INPP4B: variants seen among roughly 807,000 people sequenced by gnomAD.
INPP4B encodes inositol polyphosphate-4-phosphatase type II B.
INPP4B carries 55 observed loss-of-function variants against 122.5 expected under a neutral mutation model. The observed-to-expected ratio is 0.45, with a 90% CI of 0.36 to 0.56. The LOEUF (loss-of-function observed/expected upper bound fraction) is 0.56. INPP4B is among the 20% of genes least tolerant of loss of function. INPP4B has a pLI of 0.00. For synonymous variants in INPP4B, 403 were observed against 388.7 expected (o/e 1.04, Z -0.43); for missense variants, 1,000 against 1,097.7 (o/e 0.91, Z 1.26).
intron 2 of INPP4B, among the ~76,000 whole-genome samples, chr4:142,575,458 C>T (rs1180616333): frequency 1.3e-5 from 2 of 152,008 alleles, no homozygotes; most frequent in Non-Finnish European, 2.9e-5. Context: ...ACTTTCTCCA[C>T]CATACCTTAC....
At chr4:142,306,236 T>G (rs974277097) in intron 8 of INPP4B, among the ~76,000 whole-genome samples, 227 of 151,920 alleles carry the variant, frequency 1.5e-3, no homozygotes, top group Non-Finnish European at 3.0e-3. Context: ...ATTGTTTTTT[T>G]TTTTTTTTTT....
chr4:142,749,877 A>G (rs1442449661), intron 1 of INPP4B, among the ~76,000 whole-genome samples: 1 of 152,062 alleles, frequency 6.6e-6, no homozygotes, highest in Non-Finnish European at 1.5e-5. Flanking sequence ...TAAATCAATT[A>G]TAAAACTTTA....
rs530369124 is a variant in INPP4B, at chr4:142,199,236, C to T, written c.1073-6041G>A. 1.4e-4 allele frequency among the ~76,000 whole-genome samples: 21 copies of T among 151,896 alleles called. No homozygotes were observed. In the Middle Eastern group the frequency reaches 0.01, roughly 74 times the overall value. On this transcript the variant is annotated intron_variant, in intron 14 of 25. Coordinates refer to ENST00000262992, the MANE Select transcript of INPP4B (RefSeq NM_001101669.3). The stretch of plus-strand genomic sequence containing the variant: ...TATATAAATATTTAGATGCTCAATT[C>T]GGTTTGTCTTGTTTGTCATTAGATC...
chr4:142,672,937 T>C (rs995488198), intron 2 of INPP4B, among the ~76,000 whole-genome samples: 2 of 152,170 alleles, frequency 1.3e-5, no homozygotes, highest in South Asian at 4.1e-4. Context: ...TTGAAGTTCA[T>C]TATTTTGCAA....
At chr4:142,177,394 A>G (rs1420183389) in intron 15 of INPP4B, among the ~76,000 whole-genome samples, 1 of 152,190 alleles carries the variant, frequency 6.6e-6, no homozygotes, top group Non-Finnish European at 1.5e-5. Context: ...AATAAGTATA[A>G]TTTAATTATC....
In INPP4B at chr4:142,246,093, T is replaced by A. The variant is rs185057085; in HGVS notation, c.689-8082A>T. ...TGTATACACACATTATATATATGTG[T>A]GTGTGTATACACACATATATATATG... On this transcript the variant is annotated intron_variant, in intron 11 of 25. Transcript: ENST00000262992. Among the ~76,000 whole-genome samples the A allele has an allele frequency of 1.1e-3, 158 of 148,302 alleles. 5 individuals are homozygous for A. Among genetic ancestry groups the A allele is most frequent in the African/African-American group, 3.9e-3 (153 of 38,872 alleles).
intron 1 of INPP4B, among the ~76,000 whole-genome samples, chr4:142,762,941 C>T (rs999063075): frequency 6.6e-6 from 1 of 152,052 alleles, no homozygotes; most frequent in African/African-American, 2.4e-5. Context: ...ATTCTTTTTG[C>T]CCTCCCACCT....
At position 142,534,216 on chromosome 4, in the gene INPP4B, ACCT is replaced by A. The variant is rs111355676; in HGVS notation, c.-190-71493_-190-71491del. On this transcript the variant is annotated intron_variant, in intron 2 of 25. Transcript: ENST00000262992. ...TCCTGAATTTATATATATATATGGA[ACCT>A]CAAGTCATGAAAAATAATTTCAATT... is the stretch of plus-strand genomic sequence containing the variant. Among the ~76,000 whole-genome samples, 1,019 of 152,214 alleles carry A rather than the reference ACCT, an allele frequency of 6.7e-3. 12 individuals are homozygous for A. The highest frequency in any genetic ancestry group is 0.024 in the African/African-American group (992 of 41,514).
At chr4:142,466,484 T>C (rs1038829349) in intron 2 of INPP4B, among the ~76,000 whole-genome samples, 1 of 152,160 alleles carries the variant, frequency 6.6e-6, no homozygotes, top group African/African-American at 2.4e-5. Context: ...TTAAATCAGA[T>C]ACAAGGCAAA....
intron 12 of INPP4B, among the ~76,000 whole-genome samples, chr4:142,219,445 T>C (rs1848524279): frequency 6.6e-6 from 1 of 152,240 alleles, no homozygotes; most frequent in Non-Finnish European, 1.5e-5. Context: ...CTTCACAGTT[T>C]GCTTTAAAGT....
At chr4:142,794,180 T>C (rs1019370999) in intron 1 of INPP4B, among the ~76,000 whole-genome samples, 2 of 152,002 alleles carry the variant, frequency 1.3e-5, no homozygotes, top group African/African-American at 4.8e-5. Flanking sequence ...GTCAAGACAT[T>C]ACTAAAGAAA....
At chr4:142,650,896 A>G (rs1189246073) in intron 2 of INPP4B, among the ~76,000 whole-genome samples, 1 of 152,204 alleles carries the variant, frequency 6.6e-6, no homozygotes, top group Non-Finnish European at 1.5e-5. Context: ...AGAACTCTCC[A>G]GCCCAAATCA....
chr4:142,625,810 G>C (rs1335553319), intron 2 of INPP4B, among the ~76,000 whole-genome samples: 1 of 152,052 alleles, frequency 6.6e-6, no homozygotes, highest in Admixed American at 6.6e-5. Context: ...ACAGAACAGA[G>C]CCCTCAGAAA....
chr4:142,738,139 G>T (rs1462496178), intron 1 of INPP4B, among the ~76,000 whole-genome samples: 1 of 152,132 alleles, frequency 6.6e-6, no homozygotes, highest in Non-Finnish European at 1.5e-5. Flanking sequence ...AAATCATGCT[G>T]CTATAAAGAC....
chr4:142,335,469 C>G (rs979006083), intron 7 of INPP4B, among the ~76,000 whole-genome samples: 5 of 152,110 alleles, frequency 3.3e-5, no homozygotes, highest in African/African-American at 1.2e-4. Flanking sequence ...CCTCATAACC[C>G]CAAATCTCCC....
intron 25 of INPP4B, among the ~76,000 whole-genome samples, chr4:142,037,179 T>C (rs1578683404): frequency 6.6e-6 from 1 of 152,308 alleles, no homozygotes; most frequent in African/African-American, 2.4e-5. Flanking sequence ...TTTTTATTTA[T>C]TTATTTAAGA....
At chr4:142,566,192 T>C (rs905485422) in intron 2 of INPP4B, 3 of 151,940 alleles carry the variant, frequency 2.0e-5, no homozygotes, top group African/African-American at 7.3e-5. Context: ...AAGCAGAAGG[T>C]AGGATACAAA....
intron 25 of INPP4B, among the ~76,000 whole-genome samples, chr4:142,037,329 T>C (rs905732266): frequency 2.6e-5 from 4 of 152,176 alleles, no homozygotes; most frequent in African/African-American, 9.7e-5. Context: ...TATTTCACTT[T>C]CTTTTCTGCA....
At chr4:142,347,184 A>AT (rs1174188155) in intron 7 of INPP4B, among the ~76,000 whole-genome samples, 3 of 151,952 alleles carry the variant, frequency 2.0e-5, no homozygotes, top group Non-Finnish European at 4.4e-5. Flanking sequence ...TCATATAGTA[A>AT]TTTTTTTCAA....
Sources: allele counts gnomAD v4.1 joint callset (sites outside exome capture counted in the v4.1 genomes callset), GRCh38; gene constraint gnomAD v4.1.1; transcripts MANE v1.5; gene names NCBI Gene and HGNC (gene_info 2026-07-23, HGNC 2026-07-21).